AK8: variants seen among roughly 807,000 people sequenced by gnomAD.
The protein encoded by AK8 is ATP-AMP transphosphorylase 8.
Under a neutral mutation model 54.6 loss-of-function variants are expected in AK8, and 44 were observed. The ratio of observed to expected loss-of-function variants is 0.81; its 90% CI spans 0.63 to 1.04. The LOEUF (loss-of-function observed/expected upper bound fraction) is 1.04. Ranked by LOEUF, AK8 falls within the 50% of genes least tolerant of loss-of-function variation. The probability of loss-of-function intolerance (pLI) is 0.00; values close to 1 mark genes in which losing one functional copy is unlikely to be tolerated. For missense variants in AK8, 555 were observed against 613.6 expected, an observed-to-expected ratio of 0.90 and a Z score of 1.01; for synonymous variants, 239 against 245.6, an observed-to-expected ratio of 0.97 and a Z score of 0.25.
chr9:132,827,497 G>A (rs779268256), intron 7 of AK8: 3 of 215,442 alleles, frequency 1.4e-5, no homozygotes, highest in Non-Finnish European at 1.9e-5. Context: ...CCACCACAGC[G>A]TGAGGCCCGG....
At chr9:132,852,955 T>C (rs1474602541) in intron 5 of AK8, among the ~76,000 whole-genome samples, 3 of 151,818 alleles carry the variant, frequency 2.0e-5, no homozygotes, top group African/African-American at 4.8e-5. Context: ...CTAAAAACTT[T>C]GCAAGTTTGG....
chr9:132,847,837 C>G (rs1188091368), intron 5 of AK8, among the ~76,000 whole-genome samples: 1 of 151,856 alleles, frequency 6.6e-6, no homozygotes. Flanking sequence ...AAAAATTAGC[C>G]GGGCATGGTG....
At chr9:132,798,496 G>T (rs539357345) in intron 10 of AK8, among the ~76,000 whole-genome samples, 1 of 152,198 alleles carries the variant, frequency 6.6e-6, no homozygotes, top group East Asian at 1.9e-4. Flanking sequence ...TTTTCAGTGC[G>T]GTCTAAAGTC....
At chr9:132,871,002 T>C (rs550249267) in intron 2 of AK8, among the ~76,000 whole-genome samples, 2 of 152,238 alleles carry the variant, frequency 1.3e-5, no homozygotes, top group East Asian at 3.9e-4. Context: ...TCCCAGCACT[T>C]TGGGAGGCCG....
intron 10 of AK8, among the ~76,000 whole-genome samples, chr9:132,806,211 A>G (rs776561868): frequency 6.6e-6 from 1 of 152,084 alleles, no homozygotes; most frequent in Non-Finnish European, 1.5e-5. Context: ...GTGAAAAATT[A>G]AACTCGACGG....
intron 2 of AK8, among the ~76,000 whole-genome samples, chr9:132,873,677 T>C (rs1305782811): frequency 1.3e-5 from 2 of 152,110 alleles, no homozygotes; most frequent in Admixed American, 6.5e-5. Context: ...TCCGCAGCCC[T>C]GGAATAACAG....
intron 10 of AK8, among the ~76,000 whole-genome samples, chr9:132,809,415 G>C (rs1174677619): frequency 6.6e-6 from 1 of 152,156 alleles, no homozygotes. Flanking sequence ...CCCCAGAGCA[G>C]GGAGTCACTC....
At chr9:132,768,473 G>C (rs1187316161) in intron 11 of AK8, among the ~76,000 whole-genome samples, 1 of 152,064 alleles carries the variant, frequency 6.6e-6, no homozygotes, top group Non-Finnish European at 1.5e-5. Context: ...CTCCATGTTT[G>C]TCAGGCTGAT....
intron 2 of AK8, among the ~76,000 whole-genome samples, chr9:132,870,810 G>A (rs974018629): frequency 6.6e-6 from 1 of 152,240 alleles, no homozygotes; most frequent in African/African-American, 2.4e-5. Flanking sequence ...ATGGCTGGAA[G>A]GGGGCACAAT....
chr9:132,742,921 A>C (rs1837463288), intron 11 of AK8, among the ~76,000 whole-genome samples: 1 of 152,210 alleles, frequency 6.6e-6, no homozygotes, highest in African/African-American at 2.4e-5. Flanking sequence ...TTCCCCCGCC[A>C]GAAGCGATGG....
intron 11 of AK8, among the ~76,000 whole-genome samples, chr9:132,787,140 A>G (rs1839744869): frequency 6.6e-6 from 1 of 152,180 alleles, no homozygotes; most frequent in African/African-American, 2.4e-5. Flanking sequence ...TTTTTACAAC[A>G]TTTAGAAGCC....
intron 11 of AK8, among the ~76,000 whole-genome samples, chr9:132,774,582 T>C (rs1039423256): frequency 7.9e-5 from 12 of 152,132 alleles, no homozygotes; most frequent in Non-Finnish European, 1.3e-4. Flanking sequence ...AAGTCCCCTA[T>C]GGGTAAAGAA....
chr9:132,738,607 G>A (rs1357829714), intron 11 of AK8, among the ~76,000 whole-genome samples: 3 of 152,092 alleles, frequency 2.0e-5, no homozygotes, highest in African/African-American at 7.2e-5. Context: ...TAGCTAGACT[G>A]GGATGGGAGG....
chr9:132,854,029 T>C (rs1328677656), intron 5 of AK8, among the ~76,000 whole-genome samples: 1 of 151,946 alleles, frequency 6.6e-6, no homozygotes, highest in Non-Finnish European at 1.5e-5. Context: ...AGTGAAACTC[T>C]ATCTCTACAA....
At position 132,781,753 on chromosome 9, in the gene AK8, T is replaced by C. The variant is rs1387434522; in HGVS notation, c.1121+10881A>G. Among the ~76,000 whole-genome samples the C allele has an allele frequency of 6.6e-6, 1 of 152,202 alleles. No individual in the cohort carries two copies. The highest frequency in any genetic ancestry group is 2.4e-5 in the African/African-American group (1 of 41,454). On this transcript the variant is annotated intron_variant, in intron 11 of 12. Coordinates refer to ENST00000298545, the MANE Select transcript of AK8 (RefSeq NM_152572.3). This position sits in a 1 kb window ranked among gnomAD's most constrained non-coding sequence, Gnocchi z 4.6. ...ACACCACAGCTAGAGTGTTTTATAA[T>C]TGGCATCACAACCGAACCAGAATTA...
rs549075011 is a variant in AK8 at position 132,827,696 on chromosome 9, C to T, written c.556+317G>A. Among the ~76,000 whole-genome samples the T allele has an allele frequency of 2.6e-5, 4 of 152,334 alleles. No individual in the cohort carries two copies. In the South Asian group the frequency reaches 6.2e-4, roughly 24 times the overall value. ...GGTGTCAAGGGGGCACATAATTTGT[C>T]CCAGGGAGAGGCAGACATGTCCCCT... On this transcript the variant is annotated intron_variant, in intron 7 of 12. Transcript: ENST00000298545.
chr9:132,859,759 G>C (rs943437346), intron 4 of AK8, among the ~76,000 whole-genome samples: 1 of 151,866 alleles, frequency 6.6e-6, no homozygotes, highest in African/African-American at 2.4e-5. Flanking sequence ...GCAGATGAAG[G>C]AAAAAAGACT....
At chr9:132,861,360 G>A (rs1353825189) in intron 4 of AK8, 2 of 152,170 alleles carry the variant, frequency 1.3e-5, no homozygotes, top group East Asian at 1.9e-4. Flanking sequence ...CAGGACTAAC[G>A]TAAATGAATT....
intron 11 of AK8, among the ~76,000 whole-genome samples, chr9:132,759,237 G>A (rs1045820789): frequency 6.6e-6 from 1 of 151,134 alleles, no homozygotes; most frequent in Non-Finnish European, 1.5e-5. Context: ...CAATTCCACA[G>A]GTTTTAGCAC....
Sources: gnomAD v4.1 joint callset for allele counts (sites outside exome capture counted in the v4.1 genomes callset) on GRCh38, gnomAD v4.1.1 for gene constraint, Gnocchi (gnomAD v3.1) non-coding constraint, MANE v1.5 for transcripts, NCBI Gene and HGNC (gene_info 2026-07-23, HGNC 2026-07-21) for gene names.